Variants in RORA observed in about 807,000 individuals in gnomAD.
The protein encoded by RORA is RAR related orphan receptor A.
Under a neutral mutation model 69.5 loss-of-function variants are expected in RORA, and 7 were observed. The ratio of observed to expected loss-of-function variants is 0.10; its 90% confidence interval spans 0.06 to 0.19. The LOEUF is 0.19. RORA is among the 10% of genes least tolerant of loss of function. The pLI, the probability that RORA is intolerant of heterozygous loss-of-function variation, is 1.00. For missense variants in RORA, 457 were observed against 663.0 expected (o/e 0.69, Z 3.41); for synonymous variants, 261 against 240.8 (o/e 1.08, Z -0.78).
At chr15:61,073,651 C>T (rs1345248324) in intron 1 of RORA, among the ~76,000 whole-genome samples, 1 of 152,144 alleles carries the variant, frequency 6.6e-6, no homozygotes, top group Non-Finnish European at 1.5e-5. Flanking sequence ...AATCACGTAC[C>T]CGACTTAAAG....
At chr15:60,902,560 C>A (rs1265689973) in intron 1 of RORA, among the ~76,000 whole-genome samples, 1 of 152,206 alleles carries the variant, frequency 6.6e-6, no homozygotes, top group African/African-American at 2.4e-5. Flanking sequence ...GAATCAGACT[C>A]TATCTTGTGT....
chr15:60,661,058 CAA>C (rs565540593), intron 2 of RORA, among the ~76,000 whole-genome samples: 1 of 119,184 alleles, frequency 8.4e-6, no homozygotes. Context: ...GAAATTCTGG[CAA>C]AAAAAAAAAA....
chr15:60,754,722 T>C (rs756675952), intron 1 of RORA, among the ~76,000 whole-genome samples: 5 of 152,108 alleles, frequency 3.3e-5, no homozygotes, highest in African/African-American at 1.2e-4. Context: ...CACAGGCACA[T>C]TGGAGGAGCT....
intron 1 of RORA, among the ~76,000 whole-genome samples, chr15:61,194,337 A>T (rs2079827826): frequency 6.6e-6 from 1 of 152,118 alleles, no homozygotes; most frequent in Non-Finnish European, 1.5e-5. Flanking sequence ...AGGCAGGAGG[A>T]TCATGAGGTC....
At chr15:60,926,496 C>T (rs983013093) in intron 1 of RORA, among the ~76,000 whole-genome samples, 2 of 152,222 alleles carry the variant, frequency 1.3e-5, no homozygotes, top group African/African-American at 4.8e-5. Context: ...CCCAGTGAAA[C>T]AGAACATCGA....
chr15:60,877,009 G>A (rs1359268903), intron 1 of RORA, among the ~76,000 whole-genome samples: 1 of 152,144 alleles, frequency 6.6e-6, no homozygotes, highest in Non-Finnish European at 1.5e-5. Context: ...TGGGTACTGG[G>A]CTTAATACTT....
At chr15:60,912,146 C>T (rs1276030343) in intron 1 of RORA, among the ~76,000 whole-genome samples, 1 of 152,126 alleles carries the variant, frequency 6.6e-6, no homozygotes, top group Non-Finnish European at 1.5e-5. Context: ...TGCAGTGGCT[C>T]ACGCCTATAA....
At chr15:60,957,817 C>A (rs1410268679) in intron 1 of RORA, among the ~76,000 whole-genome samples, 2 of 152,204 alleles carry the variant, frequency 1.3e-5, no homozygotes, top group African/African-American at 4.8e-5. Context: ...TGAACTGCTA[C>A]ATTTTCTTCT....
At position 60,862,363 on chromosome 15, in the gene RORA, G is replaced by C. The variant is rs561158023; in HGVS notation, c.167-183677C>G. On this transcript the variant is annotated intron_variant, in intron 1 of 10. Coordinates refer to ENST00000335670, the MANE Select transcript of RORA (RefSeq NM_134261.3). ...TTAGCTTAGATGTATAGATGGACAA[G>C]GAAAAGTGGGCAAGAGAAAGTAAAA... 2.1e-3 allele frequency among the ~76,000 whole-genome samples: 316 copies of C among 152,330 alleles called. 1 individual carries two copies. The highest frequency in any genetic ancestry group is 3.3e-3 in the Non-Finnish European group (225 of 68,034).
Position 60,596,322 on chromosome 15 carries a change from G to A in RORA, c.197-64471C>T, listed in dbSNP as rs183434430. On this transcript the variant is annotated intron_variant, in intron 2 of 10. Coordinates refer to ENST00000335670, the MANE Select transcript of RORA (RefSeq NM_134261.3). ...CCCTGCGTCTCTCTCTCCAGTGTGC[G>A]TCTGCTTGCTAATTCAATTAATTTT... Among the ~76,000 whole-genome samples, 30 of 152,070 alleles carry A rather than the reference G, an allele frequency of 2.0e-4. 2 individuals are homozygous for A. Among genetic ancestry groups the A allele is most frequent in the Admixed American group, 1.6e-3 (25 of 15,272 alleles).
At chr15:60,921,378 T>G (rs1892042460) in intron 1 of RORA, among the ~76,000 whole-genome samples, 1 of 152,200 alleles carries the variant, frequency 6.6e-6, no homozygotes, top group Non-Finnish European at 1.5e-5. Context: ...GGCATCAACA[T>G]GGACAAATTC....
In RORA at chr15:60,639,219, ATT is replaced by A. The variant is rs71122868; in HGVS notation, c.196+39436_196+39437del. Among the ~76,000 whole-genome samples the A allele has an allele frequency of 4.3e-3, 568 of 131,324 alleles. 1 individual carries two copies. Among genetic ancestry groups the A allele is most frequent in the African/African-American group, 0.015 (538 of 35,472 alleles). The allele number at this position is 131,324 out of a possible 152,430, so 86.2% of individuals were successfully genotyped here. On this transcript the variant is annotated intron_variant, in intron 2 of 10. Coordinates refer to ENST00000335670, the MANE Select transcript of RORA (RefSeq NM_134261.3). ...CTTTAAACCATAAGCAGGTTTTTGTATTTTTTTTTTTTTTTTTTTTGCATGCC... is the reference window on the plus strand; with the variant it reads ...CTTTAAACCATAAGCAGGTTTTTGTATTTTTTTTTTTTTTTTTTGCATGCC...
chr15:61,112,265 A>G (rs562936459), intron 1 of RORA, among the ~76,000 whole-genome samples: 22 of 152,306 alleles, frequency 1.4e-4, no homozygotes, highest in African/African-American at 5.1e-4. Flanking sequence ...ATTGTACTTT[A>G]TACAAGTATT....
intron 1 of RORA, among the ~76,000 whole-genome samples, chr15:61,207,431 C>T (rs940316859): frequency 5.3e-5 from 8 of 152,204 alleles, no homozygotes; most frequent in African/African-American, 1.9e-4. Context: ...AGAATACTGA[C>T]TTGCTACCCT....
At chr15:60,859,474 CTTTT>C (rs3053901) in intron 1 of RORA, among the ~76,000 whole-genome samples, 19,256 of 135,322 alleles carry the variant, frequency 0.14, 1,659 homozygotes, top group African/African-American at 0.25. Context: ...TTTTCTTTGC[CTTTT>C]TTTTTTTTTT....
intron 1 of RORA, among the ~76,000 whole-genome samples, chr15:60,995,931 C>T (rs929984559): frequency 1.3e-5 from 2 of 152,140 alleles, no homozygotes; most frequent in South Asian, 4.1e-4. Flanking sequence ...AAGTTCCTTG[C>T]TTATCAAATT....
intron 2 of RORA, among the ~76,000 whole-genome samples, chr15:60,639,864 T>A (rs1212701901): frequency 6.6e-6 from 1 of 152,196 alleles, no homozygotes; most frequent in Non-Finnish European, 1.5e-5. Context: ...CAGTTGATGA[T>A]GGTATTTGCT....
At chr15:60,559,154 G>GA (rs1303072734) in intron 2 of RORA, among the ~76,000 whole-genome samples, 1 of 152,018 alleles carries the variant, frequency 6.6e-6, no homozygotes, top group East Asian at 1.9e-4. Context: ...TACTCTTCTC[G>GA]AAAAAATTTA....
At chr15:60,909,491 G>A (rs544642281) in intron 1 of RORA, among the ~76,000 whole-genome samples, 15 of 152,096 alleles carry the variant, frequency 9.9e-5, no homozygotes, top group South Asian at 2.1e-4. Flanking sequence ...AGCCTTTATC[G>A]AACGATTGAA....
Sources: gnomAD v4.1 joint callset for allele counts (sites outside exome capture counted in the v4.1 genomes callset) on GRCh38, gnomAD v4.1.1 for gene constraint, MANE v1.5 for transcripts, NCBI Gene and HGNC (gene_info 2026-07-23, HGNC 2026-07-21) for gene names.